Variants in EXT1 observed in about 807,000 individuals in gnomAD.
EXT1 encodes exostosin-1.
EXT1 carries 20 observed loss-of-function variants against 82.5 expected under a neutral mutation model. The ratio of observed to expected loss-of-function variants is 0.24; its 90% CI spans 0.17 to 0.35. The LOEUF is 0.35. EXT1 is among the 10% of genes least tolerant of loss of function. The pLI is 1.00. For missense variants in EXT1, 757 were observed against 936.5 expected, an observed-to-expected ratio of 0.81 and a Z score of 2.50; for synonymous variants, 348 against 350.8, an observed-to-expected ratio of 0.99 and a Z score of 0.09.
At chr8:117,921,561 T>A (rs1458958239) in intron 1 of EXT1, among the ~76,000 whole-genome samples, 1 of 152,116 alleles carries the variant, frequency 6.6e-6, no homozygotes, top group East Asian at 1.9e-4. Context: ...AGAGTGCAGA[T>A]CAAATGAAGG....
At chr8:118,017,496 G>A (rs573676416) in intron 1 of EXT1, among the ~76,000 whole-genome samples, 18 of 151,786 alleles carry the variant, frequency 1.2e-4, no homozygotes, top group Non-Finnish European at 2.1e-4. Flanking sequence ...CCTCACCACT[G>A]TATCTCCCCT....
intron 8 of EXT1, among the ~76,000 whole-genome samples, chr8:117,810,547 T>C (rs543250267): frequency 6.6e-6 from 1 of 152,356 alleles, no homozygotes; most frequent in Non-Finnish European, 1.5e-5. Context: ...ATCACAGCAG[T>C]TGAAAGTTAT....
At chr8:118,015,943 G>C (rs1350117653) in intron 1 of EXT1, among the ~76,000 whole-genome samples, 2 of 152,230 alleles carry the variant, frequency 1.3e-5, no homozygotes, top group African/African-American at 4.8e-5. Context: ...ACTGGAGTTA[G>C]GCTGTGCCAC....
intron 1 of EXT1, among the ~76,000 whole-genome samples, chr8:118,058,644 T>C (rs74687229): frequency 1.3e-5 from 2 of 152,320 alleles, no homozygotes; most frequent in East Asian, 3.9e-4. Context: ...CCACCTTATA[T>C]AGAATACTTT....
chr8:117,852,789 G>A (rs1812479161), intron 1 of EXT1, among the ~76,000 whole-genome samples: 1 of 152,102 alleles, frequency 6.6e-6, no homozygotes, highest in South Asian at 2.1e-4. Flanking sequence ...TAAGCACCAG[G>A]CATTCTATTG....
chr8:117,941,864 C>T (rs571498960), intron 1 of EXT1, among the ~76,000 whole-genome samples: 30 of 152,308 alleles, frequency 2.0e-4, no homozygotes, highest in Non-Finnish European at 3.4e-4. Context: ...AATGGCTGGG[C>T]AGCCTCACCC....
At chr8:117,853,864 T>C (rs1162707094) in intron 1 of EXT1, among the ~76,000 whole-genome samples, 3 of 152,242 alleles carry the variant, frequency 2.0e-5, no homozygotes, top group Non-Finnish European at 4.4e-5. Flanking sequence ...TGTCCTAACA[T>C]TGAGCATCTC....
chr8:117,808,332 C>T (rs1823266669), intron 8 of EXT1, among the ~76,000 whole-genome samples: 1 of 152,202 alleles, frequency 6.6e-6, no homozygotes, highest in Non-Finnish European at 1.5e-5. Context: ...CTCATTCCAT[C>T]CTCACAATAC....
At chr8:117,988,224 G>A (rs140485517) in intron 1 of EXT1, among the ~76,000 whole-genome samples, 2 of 152,162 alleles carry the variant, frequency 1.3e-5, no homozygotes, top group African/African-American at 2.4e-5. Flanking sequence ...GGAATAATTC[G>A]GTTATTGCAT....
At chr8:117,990,066 G>C (rs561257467) in intron 1 of EXT1, among the ~76,000 whole-genome samples, 1 of 152,054 alleles carries the variant, frequency 6.6e-6, no homozygotes, top group Non-Finnish European at 1.5e-5. Flanking sequence ...CCAGCTACTC[G>C]GGAGGCTGAG....
chr8:117,840,862 G>T (rs1386977773), intron 1 of EXT1, among the ~76,000 whole-genome samples: 3 of 152,168 alleles, frequency 2.0e-5, no homozygotes, highest in African/African-American at 7.2e-5. Flanking sequence ...TACAATGAAT[G>T]AGATACCACT....
chr8:117,964,405 G>A (rs1814763275), intron 1 of EXT1, among the ~76,000 whole-genome samples: 1 of 152,208 alleles, frequency 6.6e-6, no homozygotes, highest in Admixed American at 6.5e-5. Flanking sequence ...GTTGGTGGTA[G>A]CAGTGAAGGA....
At position 118,110,237 on chromosome 8, in the gene EXT1, C is replaced by G. The variant is rs1244929754; in HGVS notation, c.810G>C (p.Arg270Ser). 1 of 1,614,188 alleles carries G rather than the reference C, an allele frequency of 6.2e-7. No homozygotes were observed. Among genetic ancestry groups the G allele is most frequent in the Admixed American group, 1.7e-5 (1 of 60,030 alleles). Reference protein sequence around the residue: ...RKYMLVFKGKRYLTGIGSDTR... With the variant: ...RKYMLVFKGKSYLTGIGSDTR... ...TGTCTGATCCTATCCCTGTCAGGTA[C>G]CTCTTCCCCTTGAATACCAGCATGT... is the stretch of plus-strand genomic sequence containing the variant. Residue 270 changes from arginine (R) to serine (S), a missense_variant, in exon 1 of 11, where the codon AGG (arginine) becomes AGC (serine). By Grantham distance (110) the Arg-to-Ser change is moderately radical. Coordinates refer to ENST00000378204, the MANE Select transcript of EXT1 (RefSeq NM_000127.3).
At chr8:117,844,744 T>C (rs1360732349) in intron 1 of EXT1, among the ~76,000 whole-genome samples, 1 of 152,146 alleles carries the variant, frequency 6.6e-6, no homozygotes, top group Non-Finnish European at 1.5e-5. Context: ...GCTGCTATAG[T>C]ACAAATGAGC....
At chr8:118,015,816 G>A (rs1446539209) in intron 1 of EXT1, among the ~76,000 whole-genome samples, 1 of 152,174 alleles carries the variant, frequency 6.6e-6, no homozygotes, top group African/African-American at 2.4e-5. Flanking sequence ...CCTTAATCCA[G>A]TTGACTGCTG....
At chr8:117,908,998 T>C (rs1813593903) in intron 1 of EXT1, among the ~76,000 whole-genome samples, 1 of 151,156 alleles carries the variant, frequency 6.6e-6, no homozygotes, top group African/African-American at 2.4e-5. Context: ...TGGGCGTGGT[T>C]GTACGCGCCT....
chr8:117,854,534 T>C (rs1812509518), intron 1 of EXT1, among the ~76,000 whole-genome samples: 1 of 152,114 alleles, frequency 6.6e-6, no homozygotes. Flanking sequence ...AAGTCCTGCA[T>C]AGAAAAAGAA....
intron 1 of EXT1, among the ~76,000 whole-genome samples, chr8:118,096,681 AGG>A: frequency 8.5e-5 from 1 of 11,822 alleles, no homozygotes; most frequent in African/African-American, 3.1e-4. Context: ...GAAGGGAGGG[AGG>A]GAGGGAGGGA....
rs187465536 is a variant in EXT1 at position 117,831,481 on chromosome 8, G to T, written c.1165-1132C>A. 3.5e-5 allele frequency: 15 copies of T among 425,414 alleles called. No homozygotes were observed. The Admixed American group carries it at 3.7e-4, about 11-fold the overall frequency. 26.4% of individuals were successfully genotyped at this position (425,414 alleles called of 1,614,324 possible). A position where few individuals can be genotyped will look rare whatever the true frequency, so the allele number is the denominator to read the frequency against. Reference sequence around the variant, plus strand: ...CTCTGAAATGTACTTCCTGAGTCTGGTAAGTTTTCTGGGCTTGTTCCCTAT... The same window carrying T: ...CTCTGAAATGTACTTCCTGAGTCTGTTAAGTTTTCTGGGCTTGTTCCCTAT... On this transcript the variant is annotated intron_variant, in intron 3 of 10. Transcript: ENST00000378204.
Sources: gnomAD v4.1 joint callset for allele counts (sites outside exome capture counted in the v4.1 genomes callset) on GRCh38, gnomAD v4.1.1 for gene constraint, MANE v1.5 for transcripts, NCBI Gene and HGNC (gene_info 2026-07-23, HGNC 2026-07-21) for gene names.